RTN1: variants seen among roughly 807,000 people sequenced by gnomAD.
The protein encoded by RTN1 is reticulon 1.
In RTN1, 25 loss-of-function variants were observed where a neutral mutation model predicts 65.5. That is an observed-to-expected ratio of 0.38 (90% confidence interval 0.28 to 0.53). The LOEUF is 0.53. Ranked by LOEUF, RTN1 falls within the 20% of genes least tolerant of loss-of-function variation. The pLI is 0.79. For synonymous variants in RTN1, 471 were observed against 447.6 expected, an observed-to-expected ratio of 1.05 and a Z score of -0.66; for missense variants, 983 against 1,025.4, an observed-to-expected ratio of 0.96 and a Z score of 0.57.
chr14:59,739,440 C>T (rs1885070400), intron 2 of RTN1, among the ~76,000 whole-genome samples: 1 of 151,570 alleles, frequency 6.6e-6, no homozygotes, highest in Non-Finnish European at 1.5e-5. Flanking sequence ...ACTCAGGAGG[C>T]TGAGGCATGG....
intron 1 of RTN1, among the ~76,000 whole-genome samples, chr14:59,775,482 A>T (rs535637838): frequency 5.5e-4 from 84 of 152,238 alleles, no homozygotes; most frequent in African/African-American, 1.8e-3. Context: ...TTCACTGCAT[A>T]ATGGTGGTGA....
intron 2 of RTN1, among the ~76,000 whole-genome samples, chr14:59,739,009 G>T (rs118084209): frequency 2.0e-4 from 30 of 152,230 alleles, no homozygotes; most frequent in African/African-American, 6.7e-4. Context: ...AGACGGTGAA[G>T]GGGGAGGAAG....
intron 1 of RTN1, among the ~76,000 whole-genome samples, chr14:59,840,084 C>T (rs895203325): frequency 6.6e-6 from 1 of 152,076 alleles, no homozygotes; most frequent in Non-Finnish European, 1.5e-5. Flanking sequence ...TATGCTTTGC[C>T]CTTTATTCAA....
intron 1 of RTN1, among the ~76,000 whole-genome samples, chr14:59,764,792 C>G (rs2139551619): frequency 6.6e-6 from 1 of 152,156 alleles, no homozygotes; most frequent in Admixed American, 6.5e-5. Flanking sequence ...GGATAATTAT[C>G]TTCATAATTT....
At chr14:59,659,776 C>T (rs1883204351) in intron 3 of RTN1, among the ~76,000 whole-genome samples, 1 of 152,204 alleles carries the variant, frequency 6.6e-6, no homozygotes, top group African/African-American at 2.4e-5. Context: ...GTACCAGCCA[C>T]TGCAAAAACA....
rs1205912806 is a variant in RTN1 at position 59,870,043 on chromosome 14, C to T, written c.241+347G>A. Among the ~76,000 whole-genome samples the T allele has an allele frequency of 6.6e-6, 1 of 152,184 alleles. No homozygotes were observed. Among genetic ancestry groups the T allele is most frequent in the African/African-American group, 2.4e-5 (1 of 41,458 alleles). On this transcript the variant is annotated intron_variant, in intron 1 of 8. Coordinates refer to ENST00000267484, the MANE Select transcript of RTN1 (RefSeq NM_021136.3). The surrounding 1 kb of genome is among the most constrained non-coding windows in gnomAD (Gnocchi z 5.1). The stretch of plus-strand genomic sequence containing the variant: ...ATCCCCACAACCTGTCAAACGGGCC[C>T]TACAGCTCGGAGCCTCCTGGCAGGA...
At chr14:59,661,892 T>C (rs1027296200) in intron 3 of RTN1, among the ~76,000 whole-genome samples, 2 of 152,166 alleles carry the variant, frequency 1.3e-5, no homozygotes, top group African/African-American at 4.8e-5. Context: ...TGTTGGAAGT[T>C]CTGGCCAGGG....
chr14:59,767,649 G>T (rs1471748370), intron 1 of RTN1, among the ~76,000 whole-genome samples: 1 of 152,130 alleles, frequency 6.6e-6, no homozygotes, highest in Admixed American at 6.5e-5. Flanking sequence ...AGAGGGGTGG[G>T]TTACTTTAGA....
chr14:59,767,200 C>T (rs1885866265), intron 1 of RTN1, among the ~76,000 whole-genome samples: 1 of 152,182 alleles, frequency 6.6e-6, no homozygotes, highest in Non-Finnish European at 1.5e-5. Context: ...GGCTTCCTAG[C>T]CTTCCCCTAG....
Position 59,746,098 on chromosome 14 carries a change from C to T in RTN1, c.625G>A (p.Glu209Lys). The change falls in exon 2 of 9, where the codon GAA becomes AAA. Residue 209 changes from glutamate (E) to lysine (K), a missense_variant. Physicochemically the swap from Glu to Lys is moderately conservative, Grantham distance 56. Transcript: ENST00000267484. Reference protein sequence around the residue: ...ITRPEEVKHQEQHHPELEDKD... With the variant: ...ITRPEEVKHQKQHHPELEDKD... ...TCTTCCAGCTCGGGGTGATGTTGTTCTTGGTGCTTCACCTCCTCGGGTCTG... is the reference window on the plus strand; with the variant it reads ...TCTTCCAGCTCGGGGTGATGTTGTTTTTGGTGCTTCACCTCCTCGGGTCTG... 6.2e-7 allele frequency: 1 copy of T among 1,613,536 alleles called. No homozygotes were observed. Among genetic ancestry groups the T allele is most frequent in the Non-Finnish European group, 8.5e-7 (1 of 1,179,834 alleles).
intron 1 of RTN1, among the ~76,000 whole-genome samples, chr14:59,780,369 A>G (rs1240573480): frequency 6.6e-6 from 1 of 152,240 alleles, no homozygotes; most frequent in African/African-American, 2.4e-5. Flanking sequence ...AAATGAGGGT[A>G]TATGTCAAAT....
rs1482722314 is a variant in RTN1, at chr14:59,869,653, A to G, written c.241+737T>C. Reference sequence around the variant, plus strand: ...CACCACCACCCAAGCCCTCCAACCCACAGCCAGGCCCGCCGCACTTAGGAC... The same window carrying G: ...CACCACCACCCAAGCCCTCCAACCCGCAGCCAGGCCCGCCGCACTTAGGAC... On this transcript the variant is annotated intron_variant, in intron 1 of 8. Transcript: ENST00000267484. Among the ~76,000 whole-genome samples the G allele has an allele frequency of 4.7e-5, 7 of 147,770 alleles. No individual in the cohort carries two copies. In the Admixed American group the frequency reaches 4.7e-4, roughly 10 times the overall value.
intron 1 of RTN1, among the ~76,000 whole-genome samples, chr14:59,850,983 T>G (rs912328225): frequency 1.3e-5 from 2 of 152,234 alleles, no homozygotes; most frequent in African/African-American, 4.8e-5. Flanking sequence ...TTTTCAGTTT[T>G]ATTTATATAC....
chr14:59,757,305 A>G (rs1025931916), intron 1 of RTN1, among the ~76,000 whole-genome samples: 10 of 152,146 alleles, frequency 6.6e-5, no homozygotes, highest in Non-Finnish European at 1.5e-4. Context: ...GGGATCTGGT[A>G]GGAGATAATT....
chr14:59,840,876 C>T (rs998139512), intron 1 of RTN1, among the ~76,000 whole-genome samples: 2 of 152,160 alleles, frequency 1.3e-5, no homozygotes, highest in Non-Finnish European at 2.9e-5. Flanking sequence ...AGCACAAATA[C>T]TTTTTCATGC....
intron 1 of RTN1, among the ~76,000 whole-genome samples, chr14:59,853,772 G>T (rs950724858): frequency 1.3e-5 from 2 of 151,668 alleles, no homozygotes; most frequent in African/African-American, 2.4e-5. Flanking sequence ...TTATGTTGCA[G>T]TTCCACCATG....
chr14:59,764,945 C>A (rs1885821654), intron 1 of RTN1, among the ~76,000 whole-genome samples: 1 of 152,086 alleles, frequency 6.6e-6, no homozygotes, highest in African/African-American at 2.4e-5. Flanking sequence ...GTCAGCAATT[C>A]TTTTGCTATT....
chr14:59,607,207 T>C, intron 4 of RTN1, 78 bp downstream of exon 4: 5 of 1,265,182 alleles, frequency 4.0e-6, no homozygotes, highest in South Asian at 3.8e-5. Context: ...ATGACTCAAG[T>C]GCATCTGTGA....
At chr14:59,607,247 T>C in intron 4 of RTN1, 38 bp downstream of exon 4, 1 of 1,585,772 alleles carries the variant, frequency 6.3e-7, no homozygotes, top group Non-Finnish European at 8.6e-7. Flanking sequence ...TAAAAGCCCC[T>C]GGTCAGTGGG....
Sources: gnomAD v4.1 joint callset for allele counts (sites outside exome capture counted in the v4.1 genomes callset) on GRCh38, gnomAD v4.1.1 for gene constraint, Gnocchi (gnomAD v3.1) non-coding constraint, MANE v1.5 for transcripts, NCBI Gene and HGNC (gene_info 2026-07-23, HGNC 2026-07-21) for gene names.